PLN: variants seen among roughly 807,000 people sequenced by gnomAD.
The protein encoded by PLN is phospholamban, also known as cardiac phospholamban.
In PLN, 1 loss-of-function variant was observed where a neutral mutation model predicts 3.9. That is an observed-to-expected ratio of 0.26 (90% CI 0.09 to 1.23). PLN has a LOEUF of 1.23. Among genes scored for constraint, PLN ranks in the 50% most tolerant of loss-of-function variants. The probability of loss-of-function intolerance (pLI) is 0.48; values close to 1 mark genes in which losing one functional copy is unlikely to be tolerated. For missense variants in PLN, 59 were observed against 62.7 expected (o/e 0.94, Z 0.20); for synonymous variants, 21 against 20.5 (o/e 1.02, Z -0.07).
chr6:118,559,453 G>T lies in PLN; in HGVS notation c.*373G>T. The T allele has an allele frequency of 7.3e-6, 2 of 272,440 alleles. No homozygotes were observed. The highest frequency in any genetic ancestry group is 1.5e-5 in the Non-Finnish European group (2 of 131,092). The allele number at this position is 272,440 out of a possible 1,614,324, so 16.9% of individuals were successfully genotyped here. A position where few individuals can be genotyped will look rare whatever the true frequency, so the allele number is the denominator to read the frequency against. Reference sequence around the variant, plus strand: ...AAAGCATTATTTTTACTCTTTTGAGGTGAATATAATTTATATTACAATGTA... The same window carrying T: ...AAAGCATTATTTTTACTCTTTTGAGTTGAATATAATTTATATTACAATGTA... On this transcript the variant is annotated 3_prime_UTR_variant, in exon 2 of 2. Transcript: ENST00000357525.
chr6:118,557,390 AAG>A (rs1403278641), intron 1 of PLN, among the ~76,000 whole-genome samples: 1 of 152,196 alleles, frequency 6.6e-6, no homozygotes, highest in East Asian at 1.9e-4. Context: ...AACCCAAAAC[AAG>A]CTGTACCTTA....
chr6:118,550,372 T>C (rs1337082584), intron 1 of PLN, among the ~76,000 whole-genome samples: 2 of 151,844 alleles, frequency 1.3e-5, no homozygotes, highest in African/African-American at 4.8e-5. Flanking sequence ...CACTAAATTA[T>C]GTAATATATT....
At chr6:118,558,626 T>TACACACACACACACACAC (rs371775061) in intron 1 of PLN, among the ~76,000 whole-genome samples, 199 bp from the exon 2 acceptor site, 15 of 111,662 alleles carry the variant, frequency 1.3e-4, no homozygotes, top group African/African-American at 4.2e-4. Flanking sequence ...CACGTGCACA[T>TACACACACACACACACAC]ACACACACAC....
chr6:118,558,003 C>T (rs1308610438), intron 1 of PLN, among the ~76,000 whole-genome samples: 1 of 150,404 alleles, frequency 6.6e-6, no homozygotes, highest in East Asian at 1.9e-4. Context: ...TTTGCTCTGT[C>T]ACCCAGGCTG....
Position 118,561,270 on chromosome 6 carries a change from T to C in PLN, c.*2190T>C, listed in dbSNP as rs1779207333. ...TTTAGTAAATTACCAATACAGAAAG[T>C]ATCCCTAGTCTTAAAAACAAGTGGA... On this transcript the variant is annotated 3_prime_UTR_variant, in exon 2 of 2. Transcript: ENST00000357525. Among the ~76,000 whole-genome samples the C allele has an allele frequency of 6.6e-6, 1 of 152,186 alleles. No individual in the cohort carries two copies. Among genetic ancestry groups the C allele is most frequent in the Non-Finnish European group, 1.5e-5 (1 of 68,028 alleles).
chr6:118,560,777 A>G lies in PLN; in HGVS notation c.*1697A>G, dbSNP rs866813543. 20 of 158,502 alleles carry G rather than the reference A, an allele frequency of 1.3e-4. No individual in the cohort carries two copies. The highest frequency in any genetic ancestry group is 1.0e-3 in the South Asian group (5 of 4,830). 9.8% of individuals were successfully genotyped at this position (158,502 alleles called of 1,614,324 possible). On this transcript the variant is annotated 3_prime_UTR_variant, in exon 2 of 2. Transcript: ENST00000357525. ...TCAGAACATCTTCCAATAACTCATAAAACAACTGAAGTAAAATTGAGTGCT... is the reference window on the plus strand; with the variant it reads ...TCAGAACATCTTCCAATAACTCATAGAACAACTGAAGTAAAATTGAGTGCT...
rs113205166 is a variant in PLN, at chr6:118,558,662, G to C, written c.-97-163G>C. On this transcript the variant is annotated intron_variant, in intron 1 of 1. Coordinates refer to ENST00000357525, the MANE Select transcript of PLN (RefSeq NM_002667.5). ...ACACACACACACACACACACACACA[G>C]AGAGAGAGAGAGAGAGAGAGAGAGA... Among the ~76,000 whole-genome samples the C allele has an allele frequency of 0.43, 47,327 of 111,300 alleles. 9,054 individuals carry two copies. The highest frequency in any genetic ancestry group is 0.51 in the Middle Eastern group (99 of 196). 73.0% of individuals were successfully genotyped at this position (111,300 alleles called of 152,430 possible). A position where few individuals can be genotyped will look rare whatever the true frequency, so the allele number is the denominator to read the frequency against.
At chr6:118,549,031 T>C (rs986576041) in intron 1 of PLN, among the ~76,000 whole-genome samples, 1 of 151,988 alleles carries the variant, frequency 6.6e-6, no homozygotes, top group African/African-American at 2.4e-5. Context: ...TATTAATAAA[T>C]TGAGTTACTG....
intron 1 of PLN, among the ~76,000 whole-genome samples, chr6:118,557,789 C>T (rs539030389): frequency 3.0e-4 from 46 of 152,248 alleles, no homozygotes; most frequent in African/African-American, 1.1e-3. Context: ...ACAATAAACG[C>T]TATGGCACAA....
intron 1 of PLN, among the ~76,000 whole-genome samples, chr6:118,549,226 T>A (rs1476510239): frequency 2.0e-5 from 3 of 152,066 alleles, no homozygotes; most frequent in Middle Eastern, 6.8e-3. Flanking sequence ...TTAATGCCTA[T>A]AGTTTTGTCA....
At chr6:118,554,695 G>T (rs1778749471) in intron 1 of PLN, among the ~76,000 whole-genome samples, 2 of 152,092 alleles carry the variant, frequency 1.3e-5, no homozygotes, top group Admixed American at 1.3e-4. Flanking sequence ...AACCAGTAGA[G>T]GTGACAACCA....
chr6:118,556,625 G>C (rs926923582), intron 1 of PLN, among the ~76,000 whole-genome samples: 6 of 152,106 alleles, frequency 3.9e-5, no homozygotes, highest in African/African-American at 1.4e-4. Flanking sequence ...AGGTTGAGAT[G>C]GGCTTTTATG....
At position 118,561,127 on chromosome 6, in the gene PLN, G is replaced by A. The variant is rs1473682196; in HGVS notation, c.*2047G>A. ...GGGAGTGGAAAGTGTTTGGTTCAGG[G>A]ATATCTGAAGAACAGAAGGGCAGAG... On this transcript the variant is annotated 3_prime_UTR_variant, in exon 2 of 2. Coordinates refer to ENST00000357525, the MANE Select transcript of PLN (RefSeq NM_002667.5). 6.6e-6 allele frequency among the ~76,000 whole-genome samples: 1 copy of A among 152,136 alleles called. No homozygotes were observed. The highest frequency in any genetic ancestry group is 1.5e-5 in the Non-Finnish European group (1 of 68,018).
At position 118,559,628 on chromosome 6, in the gene PLN, ACAT is replaced by A. The variant is rs1164537758; in HGVS notation, c.*549_*551del. 5.9e-6 allele frequency: 1 copy of A among 169,452 alleles called. No individual in the cohort carries two copies. Among genetic ancestry groups the A allele is most frequent in the Non-Finnish European group, 1.4e-5 (1 of 69,636 alleles). The allele number at this position is 169,452 out of a possible 1,614,324, so 10.5% of individuals were successfully genotyped here. ...CTATTTGTAGTAACTATCAGAATCT[ACAT>A]TCTAAAACAGAAATTGTATTTTTTC... is the stretch of plus-strand genomic sequence containing the variant. On this transcript the variant is annotated 3_prime_UTR_variant, in exon 2 of 2. Coordinates refer to ENST00000357525, the MANE Select transcript of PLN (RefSeq NM_002667.5).
At chr6:118,555,865 T>C (rs1488128960) in intron 1 of PLN, among the ~76,000 whole-genome samples, 1 of 152,082 alleles carries the variant, frequency 6.6e-6, no homozygotes, top group African/African-American at 2.4e-5. Flanking sequence ...TAAGTTCTTA[T>C]CATCTTGCTC....
chr6:118,550,611 GATC>G (rs1778485599), intron 1 of PLN, among the ~76,000 whole-genome samples: 1 of 151,784 alleles, frequency 6.6e-6, no homozygotes, highest in Non-Finnish European at 1.5e-5. Context: ...AACTGCTCAA[GATC>G]ACAGAACTAA....
chr6:118,556,662 A>G (rs777554236), intron 1 of PLN, among the ~76,000 whole-genome samples: 50 of 152,336 alleles, frequency 3.3e-4, no homozygotes, highest in Non-Finnish European at 6.6e-4. Flanking sequence ...TTAGGAGAAA[A>G]TAAAATCTGA....
In PLN at chr6:118,559,214, TTAAGAC is replaced by T. The variant is rs1410877527; in HGVS notation, c.*138_*143del. ...GAGTTTCTTTGTGAAAAGGTCAAGA[TTAAGAC>T]TAAAACTTATTGTTACCATATGTAT... On this transcript the variant is annotated 3_prime_UTR_variant, in exon 2 of 2. Transcript: ENST00000357525. The T allele has an allele frequency of 3.2e-5, 25 of 783,638 alleles. No homozygotes were observed. The Admixed American group carries it at 4.1e-4, about 13-fold the overall frequency. The allele number at this position is 783,638 out of a possible 1,614,324, so 48.5% of individuals were successfully genotyped here. A position where few individuals can be genotyped will look rare whatever the true frequency, so the allele number is the denominator to read the frequency against.
At chr6:118,557,947 G>C (rs1016994680) in intron 1 of PLN, among the ~76,000 whole-genome samples, 2 of 150,720 alleles carry the variant, frequency 1.3e-5, no homozygotes, top group Non-Finnish European at 3.0e-5. Flanking sequence ...CCAAATACTG[G>C]GTAATTATCT....
Sources: allele counts gnomAD v4.1 joint callset (sites outside exome capture counted in the v4.1 genomes callset), GRCh38; gene constraint gnomAD v4.1.1; transcripts MANE v1.5; gene names NCBI Gene and HGNC (gene_info 2026-07-23, HGNC 2026-07-21).